The following SATB2 variants were observed in gnomAD, a reference collection of about 807,000 sequenced individuals.
SATB2 encodes the protein DNA-binding protein SATB2.
In SATB2, 1 loss-of-function variant was observed where a neutral mutation model predicts 73.4. That is an observed-to-expected ratio of 0.01 (90% confidence interval 0.00 to 0.06). The LOEUF is 0.06. Among genes scored for constraint, SATB2 ranks in the 10% least tolerant of loss-of-function variants. The pLI is 1.00. For synonymous variants in SATB2, 397 were observed against 367.0 expected, an observed-to-expected ratio of 1.08 and a Z score of -0.93; for missense variants, 459 against 945.8, an observed-to-expected ratio of 0.49 and a Z score of 6.75.
Position 199,315,555 on chromosome 2 carries a change from A to T in SATB2, c.1543-6598T>A, listed in dbSNP as rs367754772. Among the ~76,000 whole-genome samples, 22 of 152,184 alleles carry T rather than the reference A, an allele frequency of 1.4e-4. 1 individual carries two copies. The East Asian group carries it at 3.3e-3, about 23-fold the overall frequency. ...GGTACTGAAATGCCACTGCATACAA[A>T]GTGGCTTGCTTTCTCTTCCCCAGGA... On this transcript the variant is annotated intron_variant, in intron 9 of 10. Transcript: ENST00000417098.
chr2:199,351,318 T>C (rs907002144), intron 6 of SATB2, among the ~76,000 whole-genome samples: 1 of 151,956 alleles, frequency 6.6e-6, no homozygotes, highest in African/African-American at 2.4e-5. Flanking sequence ...TGCACCACCA[T>C]GCCCAGCTAA....
In SATB2 at chr2:199,344,257, C is replaced by A. The variant is rs559653406; in HGVS notation, c.1173+4444G>T. Among the ~76,000 whole-genome samples, 765 of 150,634 alleles carry A rather than the reference C, an allele frequency of 5.1e-3. 6 individuals carry two copies. Among genetic ancestry groups the A allele is most frequent in the African/African-American group, 0.017 (709 of 41,336 alleles). The stretch of plus-strand genomic sequence containing the variant: ...CAGATGAACGAACACACACACACAA[C>A]ACACACACACACACAGAGACAGAGA... On this transcript the variant is annotated intron_variant, in intron 7 of 10. Transcript: ENST00000417098.
chr2:199,356,751 ATT>A (rs1185136649), intron 6 of SATB2, among the ~76,000 whole-genome samples: 2 of 152,000 alleles, frequency 1.3e-5, no homozygotes, highest in Admixed American at 1.3e-4. Flanking sequence ...TTTTTAATGG[ATT>A]TTCTTTAGAA....
chr2:199,371,953 AAAAG>A (rs1689461291), intron 5 of SATB2, among the ~76,000 whole-genome samples: 1 of 152,192 alleles, frequency 6.6e-6, no homozygotes, highest in Admixed American at 6.5e-5. Context: ...TGGGCTGTGA[AAAAG>A]AAAGGATGAG....
intron 6 of SATB2, among the ~76,000 whole-genome samples, chr2:199,363,916 A>T (rs1689210706): frequency 6.6e-6 from 1 of 152,214 alleles, no homozygotes; most frequent in Non-Finnish European, 1.5e-5. Flanking sequence ...CTTCATTTAG[A>T]TCTGAAGCTG....
intron 3 of SATB2, among the ~76,000 whole-genome samples, chr2:199,409,466 G>A (rs577619353): frequency 2.0e-5 from 3 of 152,074 alleles, no homozygotes; most frequent in South Asian, 2.1e-4. Flanking sequence ...CACTGCGCCC[G>A]GCCGCAAACC....
chr2:199,436,535 A>C (rs1261430692), intron 2 of SATB2, among the ~76,000 whole-genome samples: 3 of 152,180 alleles, frequency 2.0e-5, no homozygotes, highest in Non-Finnish European at 2.9e-5. Context: ...GAACATATAC[A>C]TGAGATACTG....
At chr2:199,417,323 C>T (rs773797233) in intron 3 of SATB2, among the ~76,000 whole-genome samples, 2 of 152,102 alleles carry the variant, frequency 1.3e-5, no homozygotes, top group Non-Finnish European at 2.9e-5. Context: ...TTCCAGCATA[C>T]AAATACCTAC....
intron 10 of SATB2, among the ~76,000 whole-genome samples, chr2:199,284,345 A>G (rs1444257279): frequency 2.0e-5 from 3 of 152,248 alleles, no homozygotes; most frequent in African/African-American, 7.2e-5. Context: ...TAAAAGAAAA[A>G]GTATGAAAAG....
chr2:199,329,652 G>T (rs1437966595), intron 7 of SATB2, among the ~76,000 whole-genome samples: 1 of 152,058 alleles, frequency 6.6e-6, no homozygotes, highest in East Asian at 1.9e-4. Flanking sequence ...AGTGTGCACG[G>T]AATGCCATGA....
At chr2:199,406,749 T>A (rs1690640489) in intron 3 of SATB2, among the ~76,000 whole-genome samples, 1 of 152,086 alleles carries the variant, frequency 6.6e-6, no homozygotes, top group African/African-American at 2.4e-5. Flanking sequence ...TATTTTATAG[T>A]TTAGGAAATG....
intron 7 of SATB2, among the ~76,000 whole-genome samples, chr2:199,345,024 C>T (rs1043277338): frequency 1.3e-5 from 2 of 152,126 alleles, no homozygotes; most frequent in East Asian, 3.9e-4. Flanking sequence ...CTTCTGGAAA[C>T]TCTCCACGCA....
chr2:199,332,646 T>C (rs2105800397), intron 7 of SATB2, among the ~76,000 whole-genome samples: 1 of 152,268 alleles, frequency 6.6e-6, no homozygotes. Flanking sequence ...AAAATATTTC[T>C]TTATAACAAA....
intron 2 of SATB2, among the ~76,000 whole-genome samples, chr2:199,439,299 T>C (rs1399364464): frequency 6.6e-6 from 1 of 152,234 alleles, no homozygotes; most frequent in African/African-American, 2.4e-5. Flanking sequence ...CAGTTTGAGA[T>C]GAGAGGAGGC....
intron 2 of SATB2, among the ~76,000 whole-genome samples, chr2:199,449,523 A>T (rs1418786382): frequency 6.6e-6 from 1 of 152,350 alleles, no homozygotes; most frequent in Non-Finnish European, 1.5e-5. Context: ...ATAAAAGAAG[A>T]AAAATAATGT....
intron 3 of SATB2, among the ~76,000 whole-genome samples, chr2:199,431,733 A>G (rs1197084462): frequency 6.6e-6 from 1 of 152,182 alleles, no homozygotes; most frequent in East Asian, 1.9e-4. Context: ...AGTATGTGCC[A>G]AGAATCAAAT....
At chr2:199,394,978 GTTTTA>G (rs1690255330) in intron 3 of SATB2, among the ~76,000 whole-genome samples, 1 of 151,936 alleles carries the variant, frequency 6.6e-6, no homozygotes, top group South Asian at 2.1e-4. Flanking sequence ...ATTTCATGTT[GTTTTA>G]TTTTGTTTTG....
intron 3 of SATB2, among the ~76,000 whole-genome samples, chr2:199,389,623 T>C (rs972460181): frequency 3.3e-5 from 5 of 152,134 alleles, no homozygotes; most frequent in African/African-American, 9.7e-5. Flanking sequence ...ACACACACAA[T>C]GCACTGTTTC....
At chr2:199,338,202 A>G (rs1688392856) in intron 7 of SATB2, among the ~76,000 whole-genome samples, 1 of 151,970 alleles carries the variant, frequency 6.6e-6, no homozygotes, top group African/African-American at 2.4e-5. Flanking sequence ...TGTCTCTATT[A>G]AAAATACAAA....
Sources: allele counts gnomAD v4.1 joint callset (sites outside exome capture counted in the v4.1 genomes callset), GRCh38; gene constraint gnomAD v4.1.1; transcripts MANE v1.5; gene names NCBI Gene and HGNC (gene_info 2026-07-23, HGNC 2026-07-21).